Variants in ARHGEF4 observed in about 807,000 individuals in gnomAD.
ARHGEF4 encodes APC-stimulated guanine nucleotide exchange factor 1.
ARHGEF4 carries 119 observed loss-of-function variants against 162.0 expected under a neutral mutation model. That is an observed-to-expected ratio of 0.73 (90% CI 0.63 to 0.86). The LOEUF is 0.86. Among genes scored for constraint, ARHGEF4 ranks in the 40% least tolerant of loss-of-function variants. ARHGEF4 has a pLI of 0.00. For missense variants in ARHGEF4, 2,488 were observed against 2,456.0 expected, an observed-to-expected ratio of 1.01 and a Z score of -0.28; for synonymous variants, 1,014 against 979.9, an observed-to-expected ratio of 1.03 and a Z score of -0.65.
intron 4 of ARHGEF4, among the ~76,000 whole-genome samples, chr2:130,988,435 T>C (rs1050750702): frequency 1.3e-5 from 2 of 152,246 alleles, no homozygotes; most frequent in African/African-American, 2.4e-5. Flanking sequence ...TCAGAGACTT[T>C]TAAAATTCAC....
At chr2:131,044,803 T>C (rs561891397) in intron 12 of ARHGEF4, among the ~76,000 whole-genome samples, 2 of 152,150 alleles carry the variant, frequency 1.3e-5, no homozygotes, top group African/African-American at 4.8e-5. Flanking sequence ...TTTTGGGGAG[T>C]TGTTTCACTA....
At chr2:130,950,444 A>C (rs1683883208) in intron 4 of ARHGEF4, among the ~76,000 whole-genome samples, 2 of 152,112 alleles carry the variant, frequency 1.3e-5, no homozygotes, top group Non-Finnish European at 2.9e-5. Flanking sequence ...ACCTGGTAGT[A>C]TGGTTATTTC....
intron 5 of ARHGEF4, among the ~76,000 whole-genome samples, chr2:131,033,666 A>G (rs1242884365): frequency 6.6e-6 from 1 of 152,136 alleles, no homozygotes; most frequent in Non-Finnish European, 1.5e-5. Flanking sequence ...GAGACTTTAG[A>G]TGTCTTCTGA....
At chr2:130,995,316 G>A (rs1687306146) in intron 4 of ARHGEF4, among the ~76,000 whole-genome samples, 1 of 152,068 alleles carries the variant, frequency 6.6e-6, no homozygotes, top group Admixed American at 6.5e-5. Flanking sequence ...TATTCATTGA[G>A]TTTGTTTCCA....
At chr2:131,029,294 G>C (rs1056883906) in intron 5 of ARHGEF4, among the ~76,000 whole-genome samples, 1 of 152,102 alleles carries the variant, frequency 6.6e-6, no homozygotes, top group Non-Finnish European at 1.5e-5. Context: ...GGGAGGCAGA[G>C]GTTGCAGTGA....
At position 130,965,094 on chromosome 2, in the gene ARHGEF4, C is replaced by T. The variant is rs1684918051; in HGVS notation, c.3985+18459C>T. ...CCTGGAAATGAGAGAGTTATACACCCACTATGCTTCTGCATGGGGCTGGAG... is the reference window on the plus strand; with the variant it reads ...CCTGGAAATGAGAGAGTTATACACCTACTATGCTTCTGCATGGGGCTGGAG... On this transcript the variant is annotated intron_variant, in intron 4 of 13. Coordinates refer to ENST00000409359, the MANE Select transcript of ARHGEF4 (RefSeq NM_001367493.1). Among the ~76,000 whole-genome samples, 4 of 152,200 alleles carry T rather than the reference C, an allele frequency of 2.6e-5. No individual in the cohort carries two copies. The South Asian group carries it at 8.3e-4, about 31-fold the overall frequency.
chr2:130,946,579 A>G lies in ARHGEF4; in HGVS notation c.3929A>G (p.Gln1310Arg), dbSNP rs1683633467. 1 of 1,614,128 alleles carries G rather than the reference A, an allele frequency of 6.2e-7. No homozygotes were observed. Among genetic ancestry groups the G allele is most frequent in the Middle Eastern group, 1.6e-4 (1 of 6,062 alleles). ...NLPRRSHPLSQSAPTGLNHMG... is the reference protein window; with the variant it reads ...NLPRRSHPLSRSAPTGLNHMG... ...CCTAGAAGAAGCCATCCACTCTCCC[A>G]GAGTGCTCCAACGGGACTGAACCAC... is the stretch of plus-strand genomic sequence containing the variant. The change falls in exon 4 of 14, where the codon CAG becomes CGG. Residue 1310 changes from glutamine (Q) to arginine (R), a missense_variant. Coordinates refer to ENST00000409359, the MANE Select transcript of ARHGEF4 (RefSeq NM_001367493.1).
At chr2:130,892,741 C>A (rs1325020706) in intron 1 of ARHGEF4, among the ~76,000 whole-genome samples, 1 of 152,162 alleles carries the variant, frequency 6.6e-6, no homozygotes, top group Non-Finnish European at 1.5e-5. Flanking sequence ...CACACACAGA[C>A]CCCTGCTCAC....
chr2:130,895,948 T>C (rs1465740683), intron 1 of ARHGEF4, among the ~76,000 whole-genome samples: 1 of 152,226 alleles, frequency 6.6e-6, no homozygotes, highest in African/African-American at 2.4e-5. Flanking sequence ...ATGAGTGTTA[T>C]GGTTTAGTCC....
intron 4 of ARHGEF4, among the ~76,000 whole-genome samples, chr2:130,977,873 G>T (rs1379580389): frequency 2.0e-5 from 3 of 152,108 alleles, no homozygotes; most frequent in Admixed American, 6.6e-5. Flanking sequence ...AAGGAAGAAG[G>T]CTTTAATCAG....
At chr2:130,988,872 G>GTATATATATA (rs58656982) in intron 4 of ARHGEF4, among the ~76,000 whole-genome samples, 25 of 108,494 alleles carry the variant, frequency 2.3e-4, no homozygotes, top group Admixed American at 5.2e-4. Context: ...GTGTGTGTGT[G>GTATATATATA]TATATATATA....
intron 4 of ARHGEF4, among the ~76,000 whole-genome samples, chr2:130,955,349 C>T (rs1684202759): frequency 6.6e-6 from 1 of 152,116 alleles, no homozygotes; most frequent in Non-Finnish European, 1.5e-5. Flanking sequence ...TTGCATATGT[C>T]ATAATTTTTG....
chr2:130,941,878 C>G (rs1683324467), intron 3 of ARHGEF4, among the ~76,000 whole-genome samples: 1 of 151,936 alleles, frequency 6.6e-6, no homozygotes, highest in Non-Finnish European at 1.5e-5. Flanking sequence ...CCATGTTGTT[C>G]AAGAGTCAAC....
chr2:130,989,115 C>G (rs1481010999), intron 4 of ARHGEF4, among the ~76,000 whole-genome samples: 1 of 152,046 alleles, frequency 6.6e-6, no homozygotes, highest in Non-Finnish European at 1.5e-5. Context: ...GCATGCACCA[C>G]CATGCACGGC....
chr2:130,974,889 AAC>A (rs1685598640), intron 4 of ARHGEF4, among the ~76,000 whole-genome samples: 1 of 152,236 alleles, frequency 6.6e-6, no homozygotes. Flanking sequence ...CACAGAAAGC[AAC>A]AGATAACCTT....
In ARHGEF4 at chr2:130,989,347, T is replaced by G. The variant is rs1686783710; in HGVS notation, c.3986-38598T>G. On this transcript the variant is annotated intron_variant, in intron 4 of 13. Transcript: ENST00000409359. ...AAATTTGAAGGTTTCTGATATAAAT[T>G]TGAATGAGATTTTGACTGTAGTTTT... 6.6e-5 allele frequency among the ~76,000 whole-genome samples: 10 copies of G among 152,326 alleles called. 1 individual carries two copies. In the South Asian group the frequency reaches 2.1e-3, roughly 32 times the overall value.
At chr2:130,890,961 T>G (rs1342824957) in intron 1 of ARHGEF4, among the ~76,000 whole-genome samples, 2 of 152,154 alleles carry the variant, frequency 1.3e-5, no homozygotes, top group African/African-American at 2.4e-5. Context: ...CAATTCAGCT[T>G]GAAGTAGAAG....
intron 1 of ARHGEF4, among the ~76,000 whole-genome samples, chr2:130,911,110 C>T (rs1261850720): frequency 3.9e-5 from 6 of 152,088 alleles, no homozygotes; most frequent in South Asian, 2.1e-4. Context: ...GTCGGGGCAG[C>T]GGGCAGGGAA....
chr2:131,039,456 C>T, intron 6 of ARHGEF4: 1 of 1,024,062 alleles, frequency 9.8e-7, no homozygotes, highest in Non-Finnish European at 1.2e-6. Flanking sequence ...GAGAGGGGAC[C>T]TGGATTCCAT....
Sources: allele counts gnomAD v4.1 joint callset (sites outside exome capture counted in the v4.1 genomes callset), GRCh38; gene constraint gnomAD v4.1.1; transcripts MANE v1.5; gene names NCBI Gene and HGNC (gene_info 2026-07-23, HGNC 2026-07-21).